Variants in GOSR2 observed in about 807,000 individuals in gnomAD.
GOSR2 encodes 27 kDa Golgi SNARE protein.
A neutral mutation model predicts 27.9 loss-of-function variants in GOSR2; 20 were observed. The ratio of observed to expected loss-of-function variants is 0.72; its 90% CI spans 0.50 to 1.04. GOSR2 has a LOEUF of 1.04. Among genes scored for constraint, GOSR2 ranks in the 50% least tolerant of loss-of-function variants. The pLI is 0.00. For synonymous variants in GOSR2, 91 were observed against 98.8 expected (o/e 0.92, Z 0.47); for missense variants, 261 against 270.5 (o/e 0.97, Z 0.25).
At chr17:46,924,151 C>T (rs947207411) in intron 1 of GOSR2, 2 of 310,236 alleles carry the variant, frequency 6.4e-6, no homozygotes, top group African/African-American at 2.1e-5. Context: ...CACCTAGTAA[C>T]CTCTGTTTTA....
intron 6 of GOSR2, among the ~76,000 whole-genome samples, chr17:46,960,420 C>G (rs1461638746): frequency 1.5e-4 from 23 of 152,198 alleles, no homozygotes; most frequent in Non-Finnish European, 4.4e-5. Flanking sequence ...CAAAATGGAA[C>G]AGCCACTATG....
chr17:46,932,400 G>A, intron 4 of GOSR2: 1 of 630,380 alleles, frequency 1.6e-6, no homozygotes, highest in Non-Finnish European at 2.8e-6. Context: ...ACAAAAACCT[G>A]AAGAGGAAGC....
At chr17:46,950,493 G>A (rs2090254798) in intron 6 of GOSR2, among the ~76,000 whole-genome samples, 2 of 152,212 alleles carry the variant, frequency 1.3e-5, no homozygotes, top group South Asian at 4.1e-4. Flanking sequence ...TTGTCCCAGG[G>A]AAAGGCCCAA....
intron 6 of GOSR2, among the ~76,000 whole-genome samples, chr17:46,966,318 G>C (rs1221933167): frequency 6.6e-6 from 1 of 152,122 alleles, no homozygotes; most frequent in African/African-American, 2.4e-5. Context: ...GGGTCTTGCT[G>C]TGTTGCCCAG....
At chr17:46,926,737 T>C (rs1296472427) in intron 1 of GOSR2, among the ~76,000 whole-genome samples, 1 of 152,216 alleles carries the variant, frequency 6.6e-6, no homozygotes, top group East Asian at 1.9e-4. Flanking sequence ...CATATTTATG[T>C]TTTCTTAGCA....
chr17:46,928,318 G>A (rs1036126783), intron 1 of GOSR2, among the ~76,000 whole-genome samples: 1 of 152,194 alleles, frequency 6.6e-6, no homozygotes, highest in African/African-American at 2.4e-5. Flanking sequence ...TGCCTGGCTG[G>A]CATTGGTAGA....
At chr17:46,931,741 G>T (rs1394604564) in intron 3 of GOSR2, 1 of 399,586 alleles carries the variant, frequency 2.5e-6, no homozygotes, top group Admixed American at 4.1e-5. Flanking sequence ...TCTTCCAGGA[G>T]AGCCATATAA....
downstream of GOSR2, among the ~76,000 whole-genome samples, chr17:46,967,674 G>A (rs1599260146): frequency 1.3e-5 from 2 of 152,268 alleles, no homozygotes; most frequent in East Asian, 3.9e-4. Context: ...AGAGGGTTTA[G>A]GACAGCCCCT....
intron 6 of GOSR2, among the ~76,000 whole-genome samples, chr17:46,956,568 C>T (rs1391502533): frequency 2.0e-5 from 3 of 152,196 alleles, no homozygotes; most frequent in Non-Finnish European, 4.4e-5. Context: ...TACCAAAGTG[C>T]TGGGATTACA....
chr17:46,968,475 C>A (rs1010780255), downstream of GOSR2, among the ~76,000 whole-genome samples: 3 of 152,256 alleles, frequency 2.0e-5, no homozygotes, highest in Non-Finnish European at 4.4e-5. Flanking sequence ...CAGAGACCAT[C>A]ACCATCATAA....
At chr17:46,936,588 G>T in intron 5 of GOSR2, 1 of 985,518 alleles carries the variant, frequency 1.0e-6, no homozygotes, top group South Asian at 4.7e-5. Flanking sequence ...AGGGCATGAA[G>T]GGGCTAGGCT....
In GOSR2 at chr17:46,940,690, G is replaced by T. The variant is rs1230615095; in HGVS notation, c.*1930G>T. On this transcript the variant is annotated 3_prime_UTR_variant, in exon 6 of 6. Coordinates refer to ENST00000640051, the MANE Select transcript of GOSR2 (RefSeq NM_004287.5). ...TGGACTGATAGGACATCTTTTCGTG[G>T]TGTGCACCAGTGCTTTCCACACTTG... 1.9e-6 allele frequency: 3 copies of T among 1,609,810 alleles called. No homozygotes were observed. The highest frequency in any genetic ancestry group is 2.5e-6 in the Non-Finnish European group (3 of 1,179,644).
At chr17:46,966,422 G>T in intron 6 of GOSR2, 1 of 566,196 alleles carries the variant, frequency 1.8e-6, no homozygotes, top group Non-Finnish European at 3.2e-6. Context: ...CTTATTTAGT[G>T]GCACAGCCTT....
chr17:46,932,452 G>A (rs2087548630), intron 4 of GOSR2: 18 of 600,724 alleles, frequency 3.0e-5, no homozygotes. Flanking sequence ...AAATTACCTG[G>A]TTGGGCTGGT....
rs1060500714 is a variant in GOSR2 at position 46,931,137 on chromosome 17, T to C, written c.133T>C (p.Phe45Leu). ...NEIQASIDQIFSRLERLEILS... is the reference protein window; with the variant it reads ...NEIQASIDQILSRLERLEILS... ...AATCCAAGCAAGCATAGACCAGATA[T>C]TCAGCCGTCTAGAACGTCTGGAGAT... Residue 45 changes from phenylalanine to leucine, a missense_variant, in exon 3 of 6, where the codon TTC becomes CTC. By Grantham distance (22) the Phe-to-Leu change is conservative (BLOSUM62 0). Coordinates refer to ENST00000640051, the MANE Select transcript of GOSR2 (RefSeq NM_004287.5). The C allele has an allele frequency of 1.9e-6, 3 of 1,611,136 alleles. No homozygotes were observed. The highest frequency in any genetic ancestry group is 1.3e-5 in the African/African-American group (1 of 74,860).
At chr17:46,961,812 C>T (rs1371031482) in intron 6 of GOSR2, among the ~76,000 whole-genome samples, 1 of 152,096 alleles carries the variant, frequency 6.6e-6, no homozygotes, top group African/African-American at 2.4e-5. Flanking sequence ...AATGTACACC[C>T]TTTATCTAAT....
In GOSR2 at chr17:46,923,239, A is replaced by G; in HGVS notation, c.29+18A>G. On this transcript the variant is annotated intron_variant, in intron 1 of 5. Coordinates refer to ENST00000640051, the MANE Select transcript of GOSR2 (RefSeq NM_004287.5). The stretch of plus-strand genomic sequence containing the variant: ...ACGCACAAGTGAGGGCCGGTCGGGG[A>G]GCGGGCAGGGGCTAGACGAGGCGAG... 1 of 1,550,906 alleles carries G rather than the reference A, an allele frequency of 6.4e-7. No individual in the cohort carries two copies. Among genetic ancestry groups the G allele is most frequent in the Non-Finnish European group, 8.7e-7 (1 of 1,146,544 alleles).
At chr17:46,937,732 A>T (rs2088633457) in intron 5 of GOSR2, 1 of 152,218 alleles carries the variant, frequency 6.6e-6, no homozygotes, top group African/African-American at 2.4e-5. Context: ...TCCAAGGTTC[A>T]TTCATATTGT....
At chr17:46,956,018 A>G (rs1031166204) in intron 6 of GOSR2, among the ~76,000 whole-genome samples, 1 of 152,186 alleles carries the variant, frequency 6.6e-6, no homozygotes, top group Non-Finnish European at 1.5e-5. Flanking sequence ...TCCATGCCCC[A>G]TGGAGCCTCC....
Sources: allele counts gnomAD v4.1 joint callset (sites outside exome capture counted in the v4.1 genomes callset), GRCh38; gene constraint gnomAD v4.1.1; transcripts MANE v1.5; gene names NCBI Gene and HGNC (gene_info 2026-07-23, HGNC 2026-07-21).